The following MOB3B variants were observed in gnomAD, a reference collection of about 807,000 sequenced individuals.
The protein encoded by MOB3B is MOB kinase activator 3B.
In MOB3B, 7 loss-of-function variants were observed where a neutral mutation model predicts 18.7. That is an observed-to-expected ratio of 0.37 (90% confidence interval 0.21 to 0.70). The LOEUF (loss-of-function observed/expected upper bound fraction) is 0.70, where lower values mean the gene tolerates loss of function less well. MOB3B is among the 30% of genes least tolerant of loss of function. The probability of loss-of-function intolerance (pLI) is 0.52; values close to 1 mark genes in which losing one functional copy is unlikely to be tolerated. For synonymous variants in MOB3B, 111 were observed against 99.9 expected (o/e 1.11, Z -0.66); for missense variants, 253 against 281.3 (o/e 0.90, Z 0.72).
chr9:27,380,729 G>T (rs1051979139), intron 2 of MOB3B, among the ~76,000 whole-genome samples: 15 of 150,396 alleles, frequency 1.0e-4, no homozygotes, highest in Non-Finnish European at 2.2e-4. Context: ...GTAGTCCAGG[G>T]CTCTTAAGCT....
chr9:27,447,087 G>A (rs1012332856), intron 2 of MOB3B, among the ~76,000 whole-genome samples: 2 of 152,118 alleles, frequency 1.3e-5, no homozygotes, highest in African/African-American at 4.8e-5. Context: ...GCCTACAAAG[G>A]TTCGTTGAAG....
intron 2 of MOB3B, among the ~76,000 whole-genome samples, chr9:27,416,544 A>ATTTTTTTTTTT (rs559806304): frequency 4.4e-4 from 53 of 121,412 alleles, no homozygotes; most frequent in African/African-American, 1.4e-3. Context: ...TTTCTTTTTA[A>ATTTTTTTTTTT]TTTTTTTTTT....
At chr9:27,475,260 T>A (rs990231319) in intron 1 of MOB3B, among the ~76,000 whole-genome samples, 2 of 152,218 alleles carry the variant, frequency 1.3e-5, no homozygotes, top group Non-Finnish European at 2.9e-5. Context: ...CCGAGGCGGC[T>A]CCTTCCCAGT....
intron 1 of MOB3B, among the ~76,000 whole-genome samples, chr9:27,493,620 G>A (rs932401630): frequency 2.0e-5 from 3 of 151,718 alleles, no homozygotes; most frequent in Non-Finnish European, 4.4e-5. Flanking sequence ...CAGCCTGGGC[G>A]ACTGAGCGAG....
At chr9:27,336,967 C>T (rs1037215785) in intron 3 of MOB3B, among the ~76,000 whole-genome samples, 9 of 152,204 alleles carry the variant, frequency 5.9e-5, no homozygotes, top group African/African-American at 2.2e-4. Flanking sequence ...GGGTATTGCA[C>T]GTTTCACAAA....
chr9:27,341,973 A>G (rs1439854433), intron 3 of MOB3B, among the ~76,000 whole-genome samples: 5 of 152,072 alleles, frequency 3.3e-5, no homozygotes, highest in African/African-American at 4.8e-5. Flanking sequence ...ACATTTTTTG[A>G]TAGTTGAAAA....
chr9:27,456,636 T>C (rs529500343), intron 1 of MOB3B, among the ~76,000 whole-genome samples: 2 of 152,358 alleles, frequency 1.3e-5, no homozygotes, highest in African/African-American at 4.8e-5. Flanking sequence ...TTCCTAACTA[T>C]GACAGTATTT....
chr9:27,452,631 T>G (rs62542375), intron 2 of MOB3B, among the ~76,000 whole-genome samples: 20,473 of 152,134 alleles, frequency 0.13, 1,802 homozygotes, highest in Middle Eastern at 0.22. Flanking sequence ...GGCTAACAGG[T>G]ATATGAATGA....
At chr9:27,432,143 A>G (rs1271851008) in intron 2 of MOB3B, among the ~76,000 whole-genome samples, 2 of 152,244 alleles carry the variant, frequency 1.3e-5, no homozygotes, top group Admixed American at 6.5e-5. Flanking sequence ...TATTATTAAA[A>G]TGGTCACAGA....
At chr9:27,389,884 C>T (rs1303015052) in intron 2 of MOB3B, among the ~76,000 whole-genome samples, 3 of 152,028 alleles carry the variant, frequency 2.0e-5, no homozygotes, top group Non-Finnish European at 4.4e-5. Flanking sequence ...TCCAGTCTTT[C>T]CCTCTTAATC....
rs112476183 is a variant in MOB3B, at chr9:27,435,601, T to C, written c.418+19532A>G. Among the ~76,000 whole-genome samples, 385 of 152,200 alleles carry C rather than the reference T, an allele frequency of 2.5e-3. 1 individual carries two copies. Among genetic ancestry groups the C allele is most frequent in the African/African-American group, 8.9e-3 (369 of 41,528 alleles). On this transcript the variant is annotated intron_variant, in intron 2 of 3. Transcript: ENST00000262244. ...AGAGTTCTTTTATTTATTTGTTTGTTTATTTATTTATTTTTGAGAAGGAGT... is the reference window on the plus strand; with the variant it reads ...AGAGTTCTTTTATTTATTTGTTTGTCTATTTATTTATTTTTGAGAAGGAGT...
At chr9:27,484,005 G>C (rs985855825) in intron 1 of MOB3B, among the ~76,000 whole-genome samples, 32 of 152,346 alleles carry the variant, frequency 2.1e-4, no homozygotes, top group African/African-American at 7.5e-4. Flanking sequence ...AGGAGTGCCA[G>C]GGCAGGGTGA....
chr9:27,358,790 A>G (rs1313591634), intron 3 of MOB3B: 4 of 708,060 alleles, frequency 5.6e-6, no homozygotes, highest in Non-Finnish European at 1.0e-5. Flanking sequence ...CCTCTGATCC[A>G]AACTATTATA....
At chr9:27,372,598 C>T (rs1396434986) in intron 2 of MOB3B, among the ~76,000 whole-genome samples, 2 of 152,140 alleles carry the variant, frequency 1.3e-5, no homozygotes, top group East Asian at 1.9e-4. Flanking sequence ...GGCTTTGATA[C>T]GATAAGTCGC....
intron 1 of MOB3B, among the ~76,000 whole-genome samples, chr9:27,507,467 T>C (rs1330898688): frequency 6.6e-6 from 1 of 152,180 alleles, no homozygotes; most frequent in Non-Finnish European, 1.5e-5. Context: ...ACTCCCCAAA[T>C]GTCAACTGGT....
intron 1 of MOB3B, among the ~76,000 whole-genome samples, chr9:27,464,787 A>G (rs1199198586): frequency 6.6e-6 from 1 of 152,124 alleles, no homozygotes; most frequent in Non-Finnish European, 1.5e-5. Flanking sequence ...CAGCAGCAAG[A>G]GAAAAATGAG....
intron 1 of MOB3B, among the ~76,000 whole-genome samples, chr9:27,501,376 A>T (rs1030210318): frequency 2.0e-5 from 3 of 152,154 alleles, no homozygotes; most frequent in Non-Finnish European, 4.4e-5. Context: ...GATAGACTGG[A>T]TTAAGAAAAT....
At chr9:27,442,218 A>G (rs1822605264) in intron 2 of MOB3B, among the ~76,000 whole-genome samples, 1 of 152,156 alleles carries the variant, frequency 6.6e-6, no homozygotes, top group Non-Finnish European at 1.5e-5. Context: ...CACATACACA[A>G]AAGATCAGGA....
At chr9:27,393,940 G>C (rs902722115) in intron 2 of MOB3B, among the ~76,000 whole-genome samples, 2 of 152,138 alleles carry the variant, frequency 1.3e-5, no homozygotes, top group African/African-American at 4.8e-5. Context: ...ACACTCATGA[G>C]TGTTCAGGGA....
Sources: gnomAD v4.1 joint callset for allele counts (sites outside exome capture counted in the v4.1 genomes callset) on GRCh38, gnomAD v4.1.1 for gene constraint, MANE v1.5 for transcripts, NCBI Gene and HGNC (gene_info 2026-07-23, HGNC 2026-07-21) for gene names.